Variants in GPHN observed in about 807,000 individuals in gnomAD.
GPHN encodes gephyrin.
In GPHN, 17 loss-of-function variants were observed where a neutral mutation model predicts 95.5. The ratio of observed to expected loss-of-function variants is 0.18; its 90% CI spans 0.12 to 0.27. The LOEUF (loss-of-function observed/expected upper bound fraction) is 0.27. GPHN is among the 10% of genes least tolerant of loss of function. The pLI is 1.00. For missense variants in GPHN, 660 were observed against 978.1 expected, an observed-to-expected ratio of 0.67 and a Z score of 4.34; for synonymous variants, 320 against 322.5, an observed-to-expected ratio of 0.99 and a Z score of 0.08.
the GPHN span, among the ~76,000 whole-genome samples, chr14:67,247,217 C>T: frequency 6.6e-6 from 1 of 152,092 alleles, no homozygotes; most frequent in African/African-American, 2.4e-5. Context: ...TTGTAGTTTT[C>T]AATATGCAGA....
At chr14:66,625,336 G>A (rs1463183552) in intron 1 of GPHN, among the ~76,000 whole-genome samples, 1 of 152,112 alleles carries the variant, frequency 6.6e-6, no homozygotes, top group Non-Finnish European at 1.5e-5. Flanking sequence ...GTCTCCCAGA[G>A]TGCTAGGATT....
chr14:67,431,416 A>C, the GPHN span, among the ~76,000 whole-genome samples: 8 of 150,072 alleles, frequency 5.3e-5, no homozygotes, highest in Admixed American at 6.7e-5. Context: ...AAAAAAAAAA[A>C]AAAAACGGTT....
At chr14:66,782,021 ATT>A (rs1224858401) in intron 3 of GPHN, among the ~76,000 whole-genome samples, 1 of 152,216 alleles carries the variant, frequency 6.6e-6, no homozygotes, top group Non-Finnish European at 1.5e-5. Flanking sequence ...ATATTTAAAT[ATT>A]CTTTGTCTGC....
the GPHN span, chr14:67,383,407 T>C: frequency 6.2e-7 from 1 of 1,613,626 alleles, no homozygotes; most frequent in Non-Finnish European, 8.5e-7. Flanking sequence ...GAGATGATGA[T>C]GCAGAAGAAA....
intron 1 of GPHN, among the ~76,000 whole-genome samples, chr14:66,561,991 A>C (rs1305064978): frequency 6.6e-6 from 1 of 152,094 alleles, no homozygotes; most frequent in Non-Finnish European, 1.5e-5. Flanking sequence ...TCCTTCTCAC[A>C]CTGCCATTTG....
At chr14:67,387,248 G>GTCT in the GPHN span, 1 of 1,407,060 alleles carries the variant, frequency 7.1e-7, no homozygotes, top group African/African-American at 1.5e-5. Context: ...GAAGTCAAAA[G>GTCT]TCTTAACACT....
chr14:66,830,173 GACA>G (rs1327447511), intron 4 of GPHN, among the ~76,000 whole-genome samples: 2 of 152,074 alleles, frequency 1.3e-5, no homozygotes, highest in Non-Finnish European at 2.9e-5. Flanking sequence ...CCTTTTGGAT[GACA>G]ACAAGTCATC....
chr14:66,691,257 T>C (rs777516351), intron 2 of GPHN, among the ~76,000 whole-genome samples: 1 of 152,046 alleles, frequency 6.6e-6, no homozygotes, highest in Non-Finnish European at 1.5e-5. Context: ...CAATCTCGGC[T>C]CACTGCAACG....
chr14:67,204,074 A>G, the GPHN span, among the ~76,000 whole-genome samples: 366 of 152,274 alleles, frequency 2.4e-3, 9 homozygotes, highest in East Asian at 0.017. Flanking sequence ...GGTTCTCAGG[A>G]GCCCCTACCC....
chr14:67,553,555 C>T, the GPHN span, among the ~76,000 whole-genome samples: 1 of 152,160 alleles, frequency 6.6e-6, no homozygotes, highest in Admixed American at 6.5e-5. Flanking sequence ...ATTCCAGATT[C>T]CTGGAGAGAG....
At chr14:67,278,115 C>T in the GPHN span, among the ~76,000 whole-genome samples, 1 of 151,290 alleles carries the variant, frequency 6.6e-6, no homozygotes, top group African/African-American at 2.4e-5. Flanking sequence ...CAGCTCACTG[C>T]GGCCTCTGCC....
chr14:66,863,698 G>A (rs143230724), intron 4 of GPHN, among the ~76,000 whole-genome samples: 2 of 152,240 alleles, frequency 1.3e-5, no homozygotes, highest in African/African-American at 4.8e-5. Context: ...TGACAAAGAT[G>A]TCAAGAACAT....
chr14:67,129,818 G>A (rs960849916), intron 17 of GPHN, among the ~76,000 whole-genome samples: 1 of 150,522 alleles, frequency 6.6e-6, no homozygotes, highest in African/African-American at 2.5e-5. Context: ...GAGGGAGGAA[G>A]GAAGGAAGGG....
chr14:67,302,360 C>T, the GPHN span: 1 of 1,267,130 alleles, frequency 7.9e-7, no homozygotes, highest in Non-Finnish European at 1.0e-6. Context: ...AAATGCTTAA[C>T]AAAAATTGTA....
At chr14:67,037,408 T>C (rs957015622) in intron 10 of GPHN, among the ~76,000 whole-genome samples, 2 of 151,840 alleles carry the variant, frequency 1.3e-5, no homozygotes, top group Admixed American at 6.6e-5. Flanking sequence ...TTGGATATGA[T>C]ACCAAAAAGC....
the GPHN span, chr14:67,348,945 C>G: frequency 4.2e-6 from 5 of 1,203,618 alleles, no homozygotes; most frequent in South Asian, 6.8e-5. Context: ...AAGGAAGAAA[C>G]TAGGACATTA....
chr14:67,629,140 C>T, the GPHN span, among the ~76,000 whole-genome samples: 1 of 152,084 alleles, frequency 6.6e-6, no homozygotes, highest in Non-Finnish European at 1.5e-5. Context: ...TTGAGACCAG[C>T]CTGGGCAACT....
chr14:66,718,983 T>C (rs1285933171), intron 2 of GPHN, among the ~76,000 whole-genome samples: 2 of 152,060 alleles, frequency 1.3e-5, no homozygotes, highest in Admixed American at 6.5e-5. Flanking sequence ...GTCAGGGAAT[T>C]TGGGGAAAGC....
At chr14:67,184,741 G>A (rs532686665), downstream of GPHN, among the ~76,000 whole-genome samples, 11 of 152,306 alleles carry the variant, frequency 7.2e-5, no homozygotes, top group South Asian at 2.1e-3. Context: ...GTTCACAGAA[G>A]AGTTACTGAC....
Sources: allele counts gnomAD v4.1 joint callset (sites outside exome capture counted in the v4.1 genomes callset), GRCh38; gene constraint gnomAD v4.1.1; transcripts MANE v1.5; gene names NCBI Gene and HGNC (gene_info 2026-07-23, HGNC 2026-07-21).